Variants in GRIA1 observed in about 807,000 individuals in gnomAD.
GRIA1 encodes glutamate receptor 1.
In GRIA1, 31 loss-of-function variants were observed where a neutral mutation model predicts 99.2. That is an observed-to-expected ratio of 0.31 (90% CI 0.23 to 0.42). The LOEUF (loss-of-function observed/expected upper bound fraction) is 0.42. Among genes scored for constraint, GRIA1 ranks in the 10% least tolerant of loss-of-function variants. The pLI, the probability that GRIA1 is intolerant of heterozygous loss-of-function variation, is 1.00. For missense variants in GRIA1, 782 were observed against 1,157.5 expected (o/e 0.68, Z 4.71); for synonymous variants, 438 against 432.4 (o/e 1.01, Z -0.16).
rs563783907 is a variant in GRIA1 at position 153,778,786 on chromosome 5, T to G, written c.2270+8371T>G. The stretch of plus-strand genomic sequence containing the variant: ...CAAATAAGAAAACAGCAGAAAGCTT[T>G]CTTTCTGCTCTATTTGAATTCCCTA... On this transcript the variant is annotated intron_variant, in intron 13 of 15. Transcript: ENST00000285900. Among the ~76,000 whole-genome samples, 7 of 152,134 alleles carry G rather than the reference T, an allele frequency of 4.6e-5. No individual in the cohort carries two copies. In the South Asian group the frequency reaches 1.5e-3, roughly 32 times the overall value.
At chr5:153,626,095 A>G (rs1259114485) in intron 2 of GRIA1, among the ~76,000 whole-genome samples, 1 of 152,158 alleles carries the variant, frequency 6.6e-6, no homozygotes, top group East Asian at 1.9e-4. Context: ...TCAGCCTCTG[A>G]CCTTCACGTT....
chr5:153,585,310 T>C (rs1458367265), intron 2 of GRIA1, among the ~76,000 whole-genome samples: 2 of 135,362 alleles, frequency 1.5e-5, no homozygotes, highest in African/African-American at 5.5e-5. Flanking sequence ...TTTTTTTTTT[T>C]TTTTTTTTTT....
At chr5:153,796,456 C>G (rs997423943) in intron 14 of GRIA1, among the ~76,000 whole-genome samples, 1 of 152,056 alleles carries the variant, frequency 6.6e-6, no homozygotes, top group Non-Finnish European at 1.5e-5. Flanking sequence ...ATAATGACAA[C>G]AAAAAAATAT....
At chr5:153,495,815 T>G (rs966972052) in intron 2 of GRIA1, among the ~76,000 whole-genome samples, 1 of 152,236 alleles carries the variant, frequency 6.6e-6, no homozygotes, top group African/African-American at 2.4e-5. Flanking sequence ...TTCTTTACTT[T>G]TTAATGTGGC....
At chr5:153,517,741 C>A (rs1756762309) in intron 2 of GRIA1, among the ~76,000 whole-genome samples, 1 of 152,234 alleles carries the variant, frequency 6.6e-6, no homozygotes, top group African/African-American at 2.4e-5. Flanking sequence ...CCCCGTATCC[C>A]TCACACTGTG....
intron 2 of GRIA1, among the ~76,000 whole-genome samples, chr5:153,604,022 A>G (rs534464803): frequency 3.9e-5 from 6 of 152,280 alleles, no homozygotes; most frequent in East Asian, 1.9e-4. Context: ...ATAATCTCCA[A>G]TATGCCTTGG....
chr5:153,502,203 A>G (rs1307046304), intron 2 of GRIA1, among the ~76,000 whole-genome samples: 1 of 152,174 alleles, frequency 6.6e-6, no homozygotes, highest in Non-Finnish European at 1.5e-5. Flanking sequence ...TCACTTGAAC[A>G]CGTGTCTTAC....
At chr5:153,499,653 G>A (rs1419149836) in intron 2 of GRIA1, among the ~76,000 whole-genome samples, 1 of 141,920 alleles carries the variant, frequency 7.0e-6, no homozygotes, top group Non-Finnish European at 1.5e-5. Flanking sequence ...ATGAATATAT[G>A]GACAGAGAAA....
At chr5:153,573,408 G>A (rs1056425781) in intron 2 of GRIA1, 5 of 152,134 alleles carry the variant, frequency 3.3e-5, no homozygotes, top group South Asian at 2.1e-4. Context: ...TGATTAAGTC[G>A]GATGATTCTC....
intron 2 of GRIA1, among the ~76,000 whole-genome samples, chr5:153,501,081 G>A (rs926352634): frequency 1.3e-5 from 2 of 152,222 alleles, no homozygotes; most frequent in East Asian, 3.8e-4. Flanking sequence ...CAAGCTAAGT[G>A]TCTAAGGAAA....
At chr5:153,492,485 G>A (rs1030148722) in intron 1 of GRIA1, among the ~76,000 whole-genome samples, 1 of 152,244 alleles carries the variant, frequency 6.6e-6, no homozygotes, top group East Asian at 1.9e-4. Context: ...GTCATCTGGG[G>A]GGAAGGGGGA....
chr5:153,567,157 T>G (rs926749745), intron 2 of GRIA1, among the ~76,000 whole-genome samples: 10 of 152,254 alleles, frequency 6.6e-5, no homozygotes, highest in Non-Finnish European at 1.2e-4. Flanking sequence ...ACTTCTGCTT[T>G]CATTCATTTA....
intron 2 of GRIA1, among the ~76,000 whole-genome samples, chr5:153,632,385 G>C (rs964332723): frequency 6.6e-6 from 1 of 152,118 alleles, no homozygotes; most frequent in African/African-American, 2.4e-5. Flanking sequence ...GCTAATTTTT[G>C]AAAGGCATAG....
intron 13 of GRIA1, among the ~76,000 whole-genome samples, chr5:153,789,891 T>C (rs1402403963): frequency 6.6e-6 from 1 of 152,206 alleles, no homozygotes; most frequent in Non-Finnish European, 1.5e-5. Flanking sequence ...ATTGTTGTTG[T>C]TGTTGTTGTT....
At chr5:153,598,378 G>A (rs1261145728) in intron 2 of GRIA1, among the ~76,000 whole-genome samples, 1 of 151,870 alleles carries the variant, frequency 6.6e-6, no homozygotes, top group African/African-American at 2.4e-5. Flanking sequence ...TTAGAGGAAA[G>A]GGAAAAATAA....
At chr5:153,655,458 A>G (rs1207349939) in intron 4 of GRIA1, among the ~76,000 whole-genome samples, 7 of 152,170 alleles carry the variant, frequency 4.6e-5, no homozygotes. Context: ...ATCTCCACAT[A>G]CAAGGAAGGT....
intron 13 of GRIA1, among the ~76,000 whole-genome samples, chr5:153,782,591 A>G (rs1414421296): frequency 1.3e-5 from 2 of 152,218 alleles, no homozygotes; most frequent in Non-Finnish European, 2.9e-5. Context: ...ACTAACGCTA[A>G]TACAAAGGAG....
At chr5:153,734,838 T>C (rs1761271914) in intron 11 of GRIA1, among the ~76,000 whole-genome samples, 1 of 152,194 alleles carries the variant, frequency 6.6e-6, no homozygotes, top group South Asian at 2.1e-4. Context: ...TTGTGAGCCA[T>C]TGTCAGGAAC....
intron 13 of GRIA1, 65 bp downstream of exon 13, chr5:153,770,480 C>T: frequency 2.7e-6 from 4 of 1,482,404 alleles, no homozygotes; most frequent in Non-Finnish European, 3.7e-6. Context: ...AATGAAGCTT[C>T]TGTGTCTGCT....
Sources: allele counts gnomAD v4.1 joint callset (sites outside exome capture counted in the v4.1 genomes callset), GRCh38; gene constraint gnomAD v4.1.1; transcripts MANE v1.5; gene names NCBI Gene and HGNC (gene_info 2026-07-23, HGNC 2026-07-21).